The following MSANTD5 variants were observed in gnomAD, a reference collection of about 807,000 sequenced individuals.
The protein encoded by MSANTD5 is Myb/SANT DNA binding domain containing 5.
chr5:178,696,880 G>A (rs1404938829), intron 1 of MSANTD5, among the ~76,000 whole-genome samples: 1 of 152,028 alleles, frequency 6.6e-6, no homozygotes, highest in Non-Finnish European at 1.5e-5. Context: ...ATGAATGAGA[G>A]GAAACTGCCT....
chr5:178,696,114 C>T (rs1765409506), exon 2 of MSANTD5: 1 of 152,106 alleles, frequency 6.6e-6, no homozygotes, highest in African/African-American at 2.4e-5. Context: ...CTTTTCTGAT[C>T]CCTGGGCTGT....
the MSANTD5 span, among the ~76,000 whole-genome samples, chr5:178,703,003 T>C: frequency 2.0e-5 from 3 of 152,174 alleles, no homozygotes; most frequent in South Asian, 2.1e-4. Flanking sequence ...GCGATTCCAC[T>C]GTGCAGACAG....
intron 1 of MSANTD5, among the ~76,000 whole-genome samples, chr5:178,696,667 A>C (rs188467301): frequency 0.017 from 2,637 of 152,168 alleles, 35 homozygotes; most frequent in Non-Finnish European, 0.025. Context: ...TCAAACCCGC[A>C]CGGAATTTCC....
chr5:178,695,142 C>G (rs1765397219), intron 3 of MSANTD5, 145 bp downstream of exon 3: 1 of 152,260 alleles, frequency 6.6e-6, no homozygotes, highest in Non-Finnish European at 1.5e-5. Context: ...AGCAGCAAGT[C>G]CCCTGTGCTG....
At chr5:178,694,606 G>C (rs1765391116) in exon 4 of MSANTD5, 1 of 152,220 alleles carries the variant, frequency 6.6e-6, no homozygotes. Flanking sequence ...ATTGCACCAG[G>C]TGAGGAGAGG....
chr5:178,699,362 C>A (rs1238544043), upstream of MSANTD5, among the ~76,000 whole-genome samples: 2 of 152,128 alleles, frequency 1.3e-5, no homozygotes, highest in African/African-American at 4.8e-5. Context: ...AGAAATAATT[C>A]CTGAATTCTT....
At chr5:178,692,349 T>C (rs980243523), downstream of MSANTD5, among the ~76,000 whole-genome samples, 3 of 144,222 alleles carry the variant, frequency 2.1e-5, no homozygotes, top group Non-Finnish European at 3.0e-5. Flanking sequence ...CGCTGCACTC[T>C]AGCCTGGATG....
chr5:178,704,446 G>A, the MSANTD5 span, among the ~76,000 whole-genome samples: 1 of 152,178 alleles, frequency 6.6e-6, no homozygotes, highest in East Asian at 1.9e-4. Context: ...CCTTCTATAA[G>A]CCAGAAAGTG....
intron 1 of MSANTD5, among the ~76,000 whole-genome samples, chr5:178,697,226 G>T (rs976630677): frequency 3.9e-5 from 6 of 152,108 alleles, no homozygotes; most frequent in Admixed American, 2.6e-4. Context: ...AGGCCGAGGC[G>T]GGCGGATCAC....
upstream of MSANTD5, among the ~76,000 whole-genome samples, chr5:178,700,742 G>A (rs1765469415): frequency 6.6e-6 from 1 of 152,046 alleles, no homozygotes; most frequent in African/African-American, 2.4e-5. Context: ...GGCTGAGCTT[G>A]GAGAGGCTGA....
At chr5:178,700,767 G>A (rs4288133), upstream of MSANTD5, among the ~76,000 whole-genome samples, 1 of 152,152 alleles carries the variant, frequency 6.6e-6, no homozygotes, top group African/African-American at 2.4e-5. Flanking sequence ...GGAGAGGCTC[G>A]GAAGGCCAGG....
At chr5:178,692,255 CTGTAA>C (rs1180680361), downstream of MSANTD5, among the ~76,000 whole-genome samples, 1 of 150,006 alleles carries the variant, frequency 6.7e-6, no homozygotes, top group Admixed American at 6.7e-5. Context: ...TGGCAGGCGC[CTGTAA>C]TCCCAGCTAT....
At chr5:178,693,070 G>A (rs1161516107), downstream of MSANTD5, among the ~76,000 whole-genome samples, 1 of 151,998 alleles carries the variant, frequency 6.6e-6, no homozygotes, top group African/African-American at 2.4e-5. Context: ...AGCACTTTGG[G>A]AGGCTGAGGC....
At chr5:178,707,284 G>A in the MSANTD5 span, 6 of 152,060 alleles carry the variant, frequency 3.9e-5, no homozygotes, top group Non-Finnish European at 8.8e-5. Flanking sequence ...TGCCGAGGAA[G>A]GGAACAATTT....
chr5:178,698,942 G>A (rs1038671332), upstream of MSANTD5, among the ~76,000 whole-genome samples: 1 of 151,902 alleles, frequency 6.6e-6, no homozygotes, highest in African/African-American at 2.4e-5. Flanking sequence ...ACTAATCTTT[G>A]CTTCTTTCCA....
chr5:178,692,285 C>T (rs1350822864), downstream of MSANTD5, among the ~76,000 whole-genome samples: 1 of 149,438 alleles, frequency 6.7e-6, no homozygotes, highest in Non-Finnish European at 1.5e-5. Flanking sequence ...GAGGCTGAGG[C>T]AGGAGAGTTG....
At chr5:178,692,695 G>A (rs902983510), downstream of MSANTD5, among the ~76,000 whole-genome samples, 5 of 151,928 alleles carry the variant, frequency 3.3e-5, no homozygotes, top group African/African-American at 7.3e-5. Context: ...GCTACATACC[G>A]TACAATTCCA....
At chr5:178,694,746 G>C (rs969263614) in exon 4 of MSANTD5, 5 of 152,178 alleles carry the variant, frequency 3.3e-5, no homozygotes, top group African/African-American at 1.2e-4. Flanking sequence ...CAGGGGGCCT[G>C]GGGCTGCCGG....
chr5:178,706,882 A>T, the MSANTD5 span: 1 of 152,226 alleles, frequency 6.6e-6, no homozygotes, highest in East Asian at 1.9e-4. Context: ...ATGGACCCAG[A>T]AGTTCCACAT....
Sources: allele counts gnomAD v4.1 joint callset (sites outside exome capture counted in the v4.1 genomes callset), GRCh38; gene constraint gnomAD v4.1.1; transcripts MANE v1.5; gene names NCBI Gene and HGNC (gene_info 2026-07-23, HGNC 2026-07-21).